Variants in CEP126 observed in about 807,000 individuals in gnomAD.
The protein encoded by CEP126 is centrosomal protein 126.
In CEP126, 74 loss-of-function variants were observed where a neutral mutation model predicts 107.8. The ratio of observed to expected loss-of-function variants is 0.69; its 90% confidence interval spans 0.57 to 0.83. CEP126 has a LOEUF of 0.83. Ranked by LOEUF, CEP126 falls within the 40% of genes least tolerant of loss-of-function variation. The pLI is 0.00. For missense variants in CEP126, 1,237 were observed against 1,281.9 expected, an observed-to-expected ratio of 0.96 and a Z score of 0.53; for synonymous variants, 449 against 446.0, an observed-to-expected ratio of 1.01 and a Z score of -0.08.
At chr11:101,981,013 AAAG>A (rs1325114904) in intron 7 of CEP126, among the ~76,000 whole-genome samples, 3 of 152,258 alleles carry the variant, frequency 2.0e-5, no homozygotes, top group Non-Finnish European at 4.4e-5. Context: ...GAATGGTAAT[AAAG>A]AAGGAGGTAG....
At chr11:101,956,707 T>G (rs532434685) in intron 4 of CEP126, 52 of 456,062 alleles carry the variant, frequency 1.1e-4, no homozygotes, top group Non-Finnish European at 2.1e-4. Flanking sequence ...CAGGTTTGCC[T>G]CCAACTTATT....
rs1367092349 is a variant in CEP126, at chr11:102,000,886, A to T, written c.*3243A>T. 3 of 152,186 alleles carry T rather than the reference A, an allele frequency of 2.0e-5. No homozygotes were observed. Among genetic ancestry groups the T allele is most frequent in the African/African-American group, 7.2e-5 (3 of 41,440 alleles). The allele number at this position is 152,186 out of a possible 1,614,324, so 9.4% of individuals were successfully genotyped here. A position where few individuals can be genotyped will look rare whatever the true frequency, so the allele number is the denominator to read the frequency against. ...TATTTTAAATCCATATTGTACCAGA[A>T]TGACTATGTCTGTGTTTCTTAGGAA... On this transcript the variant is annotated 3_prime_UTR_variant, in exon 11 of 11. Coordinates refer to ENST00000263468, the MANE Select transcript of CEP126 (RefSeq NM_020802.4).
At chr11:101,983,069 A>G (rs1941275756) in intron 8 of CEP126, among the ~76,000 whole-genome samples, 1 of 152,182 alleles carries the variant, frequency 6.6e-6, no homozygotes, top group Non-Finnish European at 1.5e-5. Context: ...GAGACCCCAC[A>G]TGGGGCCAAG....
Position 101,963,560 on chromosome 11 carries a change from A to T in CEP126, c.2525A>T (p.His842Leu), listed in dbSNP as rs1941015630. 6.2e-7 allele frequency: 1 copy of T among 1,614,168 alleles called. No individual in the cohort carries two copies. The highest frequency in any genetic ancestry group is 8.5e-7 in the Non-Finnish European group (1 of 1,180,018). The change falls in exon 6 of 11, where the codon CAT becomes CTT. Residue 842 changes from histidine to leucine, a missense_variant. Physicochemically the swap from His to Leu is moderately conservative, Grantham distance 99. Transcript: ENST00000263468. Reference sequence around the variant, plus strand: ...ACACATAACTCTTTTAATTCAAAACATGTGCTTCCAACAGAACACAGTTTG... The same window carrying T: ...ACACATAACTCTTTTAATTCAAAACTTGTGCTTCCAACAGAACACAGTTTG... ...IITHNSFNSK[H>L]VLPTEHSLNQ...
rs1941475259 is a variant in CEP126, at chr11:101,998,901, T to G, written c.*1258T>G. 6.6e-6 allele frequency: 1 copy of G among 152,032 alleles called. No homozygotes were observed. The highest frequency in any genetic ancestry group is 1.5e-5 in the Non-Finnish European group (1 of 68,014). 9.4% of individuals were successfully genotyped at this position (152,032 alleles called of 1,614,324 possible). ...GACAGAATCAAAATTCAAACTCAGG[T>G]TTATCTAGTTCCAAAACCCATGTTC... On this transcript the variant is annotated 3_prime_UTR_variant, in exon 11 of 11. Coordinates refer to ENST00000263468, the MANE Select transcript of CEP126 (RefSeq NM_020802.4).
Position 101,922,753 on chromosome 11 carries a change from A to G in CEP126, c.241A>G (p.Arg81Gly), listed in dbSNP as rs1183033108. Residue 81 changes from arginine (R) to glycine (G), a missense_variant, in exon 2 of 11, where the codon AGA becomes GGA. By Grantham distance (125) the Arg-to-Gly change is moderately radical. This residue lies in a region of CEP126 where 1,134 missense variants were observed against 1,150.5 expected (regional missense o/e 0.99). Coordinates refer to ENST00000263468, the MANE Select transcript of CEP126 (RefSeq NM_020802.4). ...TAAATATTTTGTGGAGTCAAATCGGAGAAAAAAGTAAGTAATTGCACTTTA... is the reference window on the plus strand; with the variant it reads ...TAAATATTTTGTGGAGTCAAATCGGGGAAAAAAGTAAGTAATTGCACTTTA... ...ARKYFVESNR[R>G]KKAFEEKRKE... 1 of 1,611,464 alleles carries G rather than the reference A, an allele frequency of 6.2e-7. No homozygotes were observed. The highest frequency in any genetic ancestry group is 1.1e-5 in the South Asian group (1 of 90,958).
intron 10 of CEP126, among the ~76,000 whole-genome samples, chr11:101,995,963 C>T (rs1217826274): frequency 3.3e-5 from 5 of 152,188 alleles, no homozygotes; most frequent in Non-Finnish European, 7.3e-5. Context: ...GGCTAGGATT[C>T]ACATTTCTCA....
chr11:101,956,576 A>G (rs1018987542), intron 4 of CEP126: 5 of 456,070 alleles, frequency 1.1e-5, no homozygotes, highest in Non-Finnish European at 1.8e-5. Flanking sequence ...TTCAGCCTGT[A>G]TACTGTTTTC....
chr11:101,974,571 C>G (rs1941171752), intron 6 of CEP126, among the ~76,000 whole-genome samples: 1 of 152,020 alleles, frequency 6.6e-6, no homozygotes, highest in Non-Finnish European at 1.5e-5. Flanking sequence ...GAGAATGTCT[C>G]CGGTATTTTT....
intron 6 of CEP126, among the ~76,000 whole-genome samples, chr11:101,975,974 T>C (rs1436159131): frequency 2.6e-5 from 4 of 152,200 alleles, no homozygotes; most frequent in Admixed American, 2.0e-4. Context: ...TTTTATCCAA[T>C]CTACCATTGA....
chr11:101,963,218 C>A lies in CEP126; in HGVS notation c.2183C>A (p.Ala728Asp). 6.2e-7 allele frequency: 1 copy of A among 1,613,816 alleles called. No individual in the cohort carries two copies. Among genetic ancestry groups the A allele is most frequent in the Non-Finnish European group, 8.5e-7 (1 of 1,179,972 alleles). ...AACTTTGCTAAACATGCCTGGCCAG[C>A]CTCAAAAAAAGAAGAAAGTAAAATC... is the stretch of plus-strand genomic sequence containing the variant. ...GYNFAKHAWP[A>D]SKKEESKIPV... Residue 728 changes from alanine (A) to aspartate (D), a missense_variant, in exon 6 of 11, where the codon GCC becomes GAC. Ala to Asp is a moderately radical substitution (Grantham distance 126, BLOSUM62 -2). Around this residue, in one of 3 missense-constraint regions of CEP126, gnomAD observed 1,134 missense variants for 1,150.5 expected, o/e 0.99. Coordinates refer to ENST00000263468, the MANE Select transcript of CEP126 (RefSeq NM_020802.4).
intron 6 of CEP126, among the ~76,000 whole-genome samples, chr11:101,974,400 T>C (rs999452746): frequency 2.0e-5 from 3 of 152,120 alleles, no homozygotes; most frequent in African/African-American, 4.8e-5. Flanking sequence ...ATTTGAAGGC[T>C]TATGACAAAG....
At chr11:101,959,867 G>A (rs1940949355) in intron 5 of CEP126, among the ~76,000 whole-genome samples, 1 of 151,788 alleles carries the variant, frequency 6.6e-6, no homozygotes, top group Non-Finnish European at 1.5e-5. Flanking sequence ...GAAAAAGGCT[G>A]GAAAAAAATG....
Position 101,978,478 on chromosome 11 carries a change from A to T in CEP126, c.2958+19A>T. 1 of 1,460,500 alleles carries T rather than the reference A, an allele frequency of 6.8e-7. No homozygotes were observed. The highest frequency in any genetic ancestry group is 2.3e-5 in the East Asian group (1 of 44,046). 90.5% of individuals were successfully genotyped at this position (1,460,500 alleles called of 1,614,324 possible). On this transcript the variant is annotated intron_variant, in intron 7 of 10. Transcript: ENST00000263468. ...AATTAATGTAAGTATGGTATTAATC[A>T]AAATCTCTATTCAATATTTAAAAAT...
chr11:101,928,437 G>A (rs554207663), intron 2 of CEP126, among the ~76,000 whole-genome samples: 43 of 152,170 alleles, frequency 2.8e-4, no homozygotes, highest in African/African-American at 9.6e-4. Flanking sequence ...AACTCTTTGC[G>A]TAGCCCTAGG....
chr11:101,918,404 T>C (rs1940269550), intron 1 of CEP126, among the ~76,000 whole-genome samples: 3 of 152,140 alleles, frequency 2.0e-5, no homozygotes. Context: ...GCCGAGATTA[T>C]GCCACTGCAC....
intron 10 of CEP126, 115 bp downstream of exon 10, chr11:101,992,957 T>C (rs184982552): frequency 5.5e-6 from 6 of 1,091,422 alleles, no homozygotes; most frequent in Non-Finnish European, 7.1e-6. Flanking sequence ...GATTGGTTTA[T>C]AGAGGTTTTC....
intron 2 of CEP126, among the ~76,000 whole-genome samples, chr11:101,929,838 T>G (rs1591270461): frequency 6.6e-6 from 1 of 152,286 alleles, no homozygotes; most frequent in Non-Finnish European, 1.5e-5. Context: ...TTCAGTCTTT[T>G]CTGGCTGGAT....
chr11:101,986,746 G>T, intron 8 of CEP126, 86 bp from the exon 9 acceptor site: 1 of 888,926 alleles, frequency 1.1e-6, no homozygotes, highest in Admixed American at 2.0e-5. Context: ...AGACAGTTAA[G>T]CATGTATAAG....
Sources: allele counts gnomAD v4.1 joint callset (sites outside exome capture counted in the v4.1 genomes callset), GRCh38; gene constraint gnomAD v4.1.1; regional missense constraint gnomAD v4.1.1; transcripts MANE v1.5; gene names NCBI Gene and HGNC (gene_info 2026-07-23, HGNC 2026-07-21).